Variants in FRS2 observed in about 807,000 individuals in gnomAD.
FRS2 encodes the protein FGFR signalling adaptor.
A neutral mutation model predicts 43.9 loss-of-function variants in FRS2; 8 were observed. That is an observed-to-expected ratio of 0.18 (90% CI 0.11 to 0.33). The LOEUF (loss-of-function observed/expected upper bound fraction) is 0.33, where lower values mean the gene tolerates loss of function less well. FRS2 is among the 10% of genes least tolerant of loss of function. The probability of loss-of-function intolerance (pLI) is 1.00; values close to 1 mark genes in which losing one functional copy is unlikely to be tolerated. For missense variants in FRS2, 534 were observed against 627.6 expected (o/e 0.85, Z 1.59); for synonymous variants, 219 against 220.3 (o/e 0.99, Z 0.05).
At chr12:69,505,089 C>T (rs956567064) in intron 1 of FRS2, among the ~76,000 whole-genome samples, 2 of 152,136 alleles carry the variant, frequency 1.3e-5, no homozygotes, top group Admixed American at 1.3e-4. Flanking sequence ...AAACTTCTGG[C>T]CTCTAGTGAT....
At chr12:69,476,634 C>G (rs1050844167) in intron 1 of FRS2, among the ~76,000 whole-genome samples, 2 of 151,940 alleles carry the variant, frequency 1.3e-5, no homozygotes, top group African/African-American at 4.8e-5. Flanking sequence ...CAGAAGTCCT[C>G]CTGGGGACAC....
chr12:69,573,207 G>A lies in FRS2; in HGVS notation c.577-798G>A, dbSNP rs573532988. 4.7e-4 allele frequency among the ~76,000 whole-genome samples: 72 copies of A among 152,106 alleles called. No homozygotes were observed. In the Middle Eastern group the frequency reaches 0.01, roughly 22 times the overall value. ...AAATAGTGATAATTTCTTACTTGGT[G>A]GCATTTATTTTATATATATGCATTT... On this transcript the variant is annotated intron_variant, in intron 8 of 8. Transcript: ENST00000549921.
At chr12:69,496,280 CA>C (rs1449969616) in intron 1 of FRS2, among the ~76,000 whole-genome samples, 2 of 151,868 alleles carry the variant, frequency 1.3e-5, no homozygotes, top group Non-Finnish European at 1.5e-5. Flanking sequence ...ACTAAAAATA[CA>C]AAAAAATTAG....
rs1880524257 is a variant in FRS2, at chr12:69,569,007, C to T, written c.-24C>T. The T allele has an allele frequency of 2.0e-6, 3 of 1,537,828 alleles. No individual in the cohort carries two copies. The highest frequency in any genetic ancestry group is 2.7e-6 in the Non-Finnish European group (3 of 1,118,436). On this transcript the variant is annotated splice_region_variant and 5_prime_UTR_variant, in exon 5 of 9. Transcript: ENST00000549921. ...TTTCCAAATTATTTTTCATGTAGTG[C>T]ACACATGGTCTTCTGAAGAAGCCAT...
intron 3 of FRS2, among the ~76,000 whole-genome samples, chr12:69,541,461 T>C (rs1307837461): frequency 6.6e-6 from 1 of 152,176 alleles, no homozygotes; most frequent in Non-Finnish European, 1.5e-5. Flanking sequence ...TGGCCTACTC[T>C]GTAAAAATAA....
At position 69,527,343 on chromosome 12, in the gene FRS2, A is replaced by ATTTTTTTT. The variant is rs1166365306; in HGVS notation, c.-260-3508_-260-3501dup. On this transcript the variant is annotated intron_variant, in intron 1 of 8. Transcript: ENST00000549921. ...GAGCAAAGTTTTTTTTTTTTTAATG[A>ATTTTTTTT]TTTTTTTTTTTTTTTTTTTTTAAAG... Among the ~76,000 whole-genome samples, 837 of 84,200 alleles carry ATTTTTTTT rather than the reference A, an allele frequency of 9.9e-3. 95 individuals carry two copies. In the East Asian group the frequency reaches 0.14, roughly 14 times the overall value. The allele number at this position is 84,200 out of a possible 152,430, so 55.2% of individuals were successfully genotyped here.
intron 4 of FRS2, 122 bp from the exon 5 acceptor site, chr12:69,568,883 T>C (rs1880515411): frequency 2.0e-6 from 1 of 501,224 alleles, no homozygotes; most frequent in East Asian, 3.2e-5. Context: ...GCCATATACC[T>C]TGTTGGACTT....
chr12:69,529,567 G>A (rs764144046), intron 1 of FRS2, among the ~76,000 whole-genome samples: 2 of 152,026 alleles, frequency 1.3e-5, no homozygotes, highest in Non-Finnish European at 2.9e-5. Context: ...GTTGCAGTGA[G>A]CCGAGATTGT....
chr12:69,475,613 C>T (rs1870691487), intron 1 of FRS2, among the ~76,000 whole-genome samples: 1 of 152,184 alleles, frequency 6.6e-6, no homozygotes, highest in Non-Finnish European at 1.5e-5. Context: ...GGACCTCTGA[C>T]TCTAGAATTA....
intron 1 of FRS2, among the ~76,000 whole-genome samples, chr12:69,479,390 C>CTTTT (rs57688271): frequency 4.2e-5 from 5 of 119,696 alleles, no homozygotes; most frequent in South Asian, 2.7e-4. Flanking sequence ...TCTGTTGTTT[C>CTTTT]TTTTTTTTTT....
At chr12:69,561,716 G>A (rs1879893864) in intron 3 of FRS2, among the ~76,000 whole-genome samples, 2 of 152,280 alleles carry the variant, frequency 1.3e-5, no homozygotes, top group East Asian at 3.9e-4. Flanking sequence ...AAGATATGGG[G>A]GATGGATTTT....
intron 1 of FRS2, among the ~76,000 whole-genome samples, chr12:69,503,236 C>A (rs1441365298): frequency 2.6e-5 from 4 of 152,028 alleles, no homozygotes; most frequent in Non-Finnish European, 5.9e-5. Context: ...TTGCCATATG[C>A]CCCCCCTCCA....
intron 3 of FRS2, among the ~76,000 whole-genome samples, chr12:69,555,793 C>T (rs964450806): frequency 4.6e-5 from 7 of 152,046 alleles, no homozygotes; most frequent in Admixed American, 1.3e-4. Context: ...ATACTTGAAT[C>T]GGGTGTGTTA....
chr12:69,503,847 C>G (rs580180), intron 1 of FRS2, among the ~76,000 whole-genome samples: 1 of 152,110 alleles, frequency 6.6e-6, no homozygotes, highest in Non-Finnish European at 1.5e-5. Flanking sequence ...GAAATGAGAA[C>G]AACACCAGTG....
At chr12:69,572,386 G>A (rs1262924800) in intron 8 of FRS2, 105 bp downstream of exon 8, 4 of 890,088 alleles carry the variant, frequency 4.5e-6, no homozygotes, top group Non-Finnish European at 7.0e-6. Flanking sequence ...AACTTTATCT[G>A]TTTGTAAATT....
chr12:69,517,779 G>A (rs879784011), intron 1 of FRS2, among the ~76,000 whole-genome samples: 1 of 152,110 alleles, frequency 6.6e-6, no homozygotes, highest in Non-Finnish European at 1.5e-5. Flanking sequence ...TTGTTGGAAT[G>A]TGTAATTCTG....
rs772156795 is a variant in FRS2 at position 69,571,314 on chromosome 12, T to C, written c.292T>C (p.Phe98Leu). ...TAAGTGTGCCCGTGCAGAAGAATTA[T>C]TTAACATGTTGCAAGAGATTATGCA... ...AFKCARAEELFNMLQEIMQNN... is the reference protein window; with the variant it reads ...AFKCARAEELLNMLQEIMQNN... Residue 98 changes from phenylalanine (F) to leucine (L), a missense_variant, in exon 7 of 9, where the codon TTT becomes CTT. By Grantham distance (22) the Phe-to-Leu change is conservative. Transcript: ENST00000549921. 6.2e-7 allele frequency: 1 copy of C among 1,610,316 alleles called. No homozygotes were observed. The highest frequency in any genetic ancestry group is 1.1e-5 in the South Asian group (1 of 90,592).
intron 4 of FRS2, among the ~76,000 whole-genome samples, chr12:69,567,738 G>T (rs1048113386): frequency 6.6e-6 from 1 of 152,190 alleles, no homozygotes; most frequent in African/African-American, 2.4e-5. Flanking sequence ...AAGGAAAGAA[G>T]CAGAAAGGGA....
intron 3 of FRS2, among the ~76,000 whole-genome samples, chr12:69,559,131 A>T (rs1879671404): frequency 6.6e-6 from 1 of 152,052 alleles, no homozygotes; most frequent in Non-Finnish European, 1.5e-5. Flanking sequence ...GGCAACATAG[A>T]CCCATCTTAA....
Sources: allele counts gnomAD v4.1 joint callset (sites outside exome capture counted in the v4.1 genomes callset), GRCh38; gene constraint gnomAD v4.1.1; transcripts MANE v1.5; gene names NCBI Gene and HGNC (gene_info 2026-07-23, HGNC 2026-07-21).